Variants in PDE1C observed in about 807,000 individuals in gnomAD.
PDE1C encodes the protein dual specificity calcium/calmodulin-dependent 3',5'-cyclic nucleotide phosphodiesterase 1C.
A neutral mutation model predicts 93.1 loss-of-function variants in PDE1C; 62 were observed. That is an observed-to-expected ratio of 0.67 (90% CI 0.54 to 0.82). The LOEUF (loss-of-function observed/expected upper bound fraction) is 0.82, where lower values mean the gene tolerates loss of function less well. Ranked by LOEUF, PDE1C falls within the 40% of genes least tolerant of loss-of-function variation. The pLI is 0.00. For synonymous variants in PDE1C, 325 were observed against 310.1 expected (o/e 1.05, Z -0.50); for missense variants, 742 against 884.6 (o/e 0.84, Z 2.04).
intron 1 of PDE1C, among the ~76,000 whole-genome samples, chr7:32,266,123 A>T (rs552618445): frequency 2.7e-5 from 4 of 148,412 alleles, no homozygotes; most frequent in East Asian, 2.0e-4. Flanking sequence ...AAATAAAAAT[A>T]AAAAAAAAAT....
At chr7:32,036,537 T>G (rs946012981) in intron 2 of PDE1C, among the ~76,000 whole-genome samples, 1 of 152,044 alleles carries the variant, frequency 6.6e-6, no homozygotes, top group Non-Finnish European at 1.5e-5. Flanking sequence ...GACAGAAGAT[T>G]TTTAAAAACA....
At chr7:32,425,065 T>C (rs2128100712) in intron 1 of PDE1C, among the ~76,000 whole-genome samples, 1 of 152,138 alleles carries the variant, frequency 6.6e-6, no homozygotes, top group South Asian at 2.1e-4. Flanking sequence ...TAAAATAGCA[T>C]CCAGCAATAC....
chr7:31,711,059 A>G, the PDE1C span, among the ~76,000 whole-genome samples: 1 of 152,152 alleles, frequency 6.6e-6, no homozygotes, highest in South Asian at 2.1e-4. Flanking sequence ...GCAAGATGAG[A>G]CTCCTCCAAG....
At chr7:32,374,271 G>GAAAGAAAGAAAGAAAA in intron 1 of PDE1C, among the ~76,000 whole-genome samples, 1 of 143,334 alleles carries the variant, frequency 7.0e-6, no homozygotes, top group Non-Finnish European at 1.5e-5. Flanking sequence ...AAGAAAGAAA[G>GAAAGAAAGAAAGAAAA]AAAGAAAGAA....
intron 1 of PDE1C, among the ~76,000 whole-genome samples, chr7:32,333,492 T>C (rs7804577): frequency 0.11 from 16,181 of 152,232 alleles, 953 homozygotes; most frequent in Middle Eastern, 0.15. Context: ...ATCATCACAC[T>C]TGGTCTACGT....
At chr7:32,272,997 G>A (rs1453582351) in intron 1 of PDE1C, among the ~76,000 whole-genome samples, 1 of 152,128 alleles carries the variant, frequency 6.6e-6, no homozygotes, top group African/African-American at 2.4e-5. Flanking sequence ...TATGATACGG[G>A]GTATGGAATA....
the PDE1C span, among the ~76,000 whole-genome samples, chr7:31,660,034 G>A: frequency 6.6e-6 from 1 of 152,032 alleles, no homozygotes. Flanking sequence ...GGTTTTATAA[G>A]GTGCATTTCC....
At chr7:31,778,504 C>T (rs1255084008) in intron 16 of PDE1C, among the ~76,000 whole-genome samples, 1 of 152,170 alleles carries the variant, frequency 6.6e-6, no homozygotes, top group Non-Finnish European at 1.5e-5. Flanking sequence ...CTGGCCTCTA[C>T]CCATGAGATG....
At chr7:32,101,858 G>C (rs1471720879) in intron 3 of PDE1C, among the ~76,000 whole-genome samples, 1 of 152,176 alleles carries the variant, frequency 6.6e-6, no homozygotes, top group African/African-American at 2.4e-5. Flanking sequence ...ATTTGCTTCT[G>C]TGGGGGCCTC....
chr7:32,427,911 G>C (rs1017343395), exon 1 of PDE1C: 1 of 152,344 alleles, frequency 6.6e-6, no homozygotes, highest in Non-Finnish European at 1.5e-5. Context: ...CGCCAACTTC[G>C]GCAGCTCTTC....
intron 3 of PDE1C, among the ~76,000 whole-genome samples, chr7:32,147,328 G>A (rs76295803): frequency 0.028 from 3,975 of 143,082 alleles, 81 homozygotes; most frequent in Middle Eastern, 0.058. Flanking sequence ...AAGAAAGAAA[G>A]AAAGACGCTG....
chr7:32,368,964 C>G (rs937636641), intron 1 of PDE1C, among the ~76,000 whole-genome samples: 1 of 152,052 alleles, frequency 6.6e-6, no homozygotes, highest in Non-Finnish European at 1.5e-5. Context: ...GAAACTAGAC[C>G]CCCATATGTC....
the PDE1C span, among the ~76,000 whole-genome samples, chr7:31,711,079 G>T: frequency 5.9e-5 from 9 of 152,316 alleles, no homozygotes; most frequent in South Asian, 1.0e-3. Context: ...GGAAATTGCA[G>T]AAGACTTCCT....
intron 2 of PDE1C, among the ~76,000 whole-genome samples, chr7:31,949,289 T>G (rs1453990126): frequency 6.6e-6 from 1 of 152,014 alleles, no homozygotes; most frequent in African/African-American, 2.4e-5. Flanking sequence ...TGAAACCTCA[T>G]TTCTACTAAA....
At chr7:31,723,814 C>T in the PDE1C span, among the ~76,000 whole-genome samples, 9 of 152,196 alleles carry the variant, frequency 5.9e-5, no homozygotes, top group African/African-American at 2.2e-4. Flanking sequence ...TTCTCGTCTA[C>T]AGCATCCTGG....
At chr7:31,651,512 G>A in the PDE1C span, among the ~76,000 whole-genome samples, 2 of 152,172 alleles carry the variant, frequency 1.3e-5, no homozygotes, top group Non-Finnish European at 2.9e-5. Flanking sequence ...ATTGACAGCA[G>A]GATGTCTTTA....
chr7:32,119,720 G>T (rs536391158), intron 3 of PDE1C, among the ~76,000 whole-genome samples: 1 of 152,268 alleles, frequency 6.6e-6, no homozygotes, highest in South Asian at 2.1e-4. Flanking sequence ...GCCAAGGCCG[G>T]CGGTGAGTGA....
chr7:31,756,376 T>C (rs115925405), intron 17 of PDE1C, among the ~76,000 whole-genome samples: 2,191 of 152,202 alleles, frequency 0.014, 44 homozygotes, highest in African/African-American at 0.05. Flanking sequence ...TAAATTCCAA[T>C]TGAGAGATAT....
At chr7:32,222,957 C>G (rs1037466858) in intron 1 of PDE1C, among the ~76,000 whole-genome samples, 1 of 152,200 alleles carries the variant, frequency 6.6e-6, no homozygotes, top group Admixed American at 6.5e-5. Flanking sequence ...ATAGCCCTTG[C>G]ATCAGTAAAT....
Sources: allele counts gnomAD v4.1 joint callset (sites outside exome capture counted in the v4.1 genomes callset), GRCh38; gene constraint gnomAD v4.1.1; transcripts MANE v1.5; gene names NCBI Gene and HGNC (gene_info 2026-07-23, HGNC 2026-07-21).